The following NALCN variants were observed in gnomAD, a reference collection of about 807,000 sequenced individuals.
The protein encoded by NALCN is sodium leak channel NALCN.
A neutral mutation model predicts 225.3 loss-of-function variants in NALCN; 111 were observed. The observed-to-expected ratio is 0.49, with a 90% confidence interval of 0.42 to 0.58. NALCN has a LOEUF of 0.58. NALCN is among the 20% of genes least tolerant of loss of function. The pLI, the probability that NALCN is intolerant of heterozygous loss-of-function variation, is 0.00. For missense variants in NALCN, 1,378 were observed against 2,202.4 expected, an observed-to-expected ratio of 0.63 and a Z score of 7.49; for synonymous variants, 764 against 769.0, an observed-to-expected ratio of 0.99 and a Z score of 0.11.
At chr13:101,406,166 A>AC (rs1004106560) in intron 1 of NALCN, among the ~76,000 whole-genome samples, 1 of 150,576 alleles carries the variant, frequency 6.6e-6, no homozygotes, top group African/African-American at 2.5e-5. Context: ...AAAAAAAAAA[A>AC]ATACAAAAAA....
intron 13 of NALCN, among the ~76,000 whole-genome samples, chr13:101,223,970 C>T (rs190898828): frequency 6.6e-6 from 1 of 152,222 alleles, no homozygotes; most frequent in Admixed American, 6.5e-5. Context: ...GATAAAAGAT[C>T]CCAGTCCTAG....
At chr13:101,279,032 TAA>T (rs2043058853) in intron 10 of NALCN, among the ~76,000 whole-genome samples, 3 of 152,170 alleles carry the variant, frequency 2.0e-5, no homozygotes, top group Admixed American at 2.0e-4. Flanking sequence ...CTCTCATGTC[TAA>T]AGCACAGTTG....
At chr13:101,088,843 A>G (rs2034063282) in intron 30 of NALCN, among the ~76,000 whole-genome samples, 1 of 152,154 alleles carries the variant, frequency 6.6e-6, no homozygotes, top group South Asian at 2.1e-4. Context: ...CAAACTCAAC[A>G]GGCTTCCCGA....
intron 3 of NALCN, among the ~76,000 whole-genome samples, chr13:101,387,543 G>A (rs2047032278): frequency 6.6e-6 from 1 of 152,166 alleles, no homozygotes; most frequent in Admixed American, 6.5e-5. Context: ...TTAAATGTTA[G>A]TGAGAAAATG....
intron 11 of NALCN, among the ~76,000 whole-genome samples, chr13:101,258,216 C>A (rs1201949851): frequency 6.6e-6 from 1 of 151,994 alleles, no homozygotes; most frequent in Non-Finnish European, 1.5e-5. Flanking sequence ...AAAGGGTTAC[C>A]CTGGCAACGT....
chr13:101,068,255 C>T (rs1046974151), intron 38 of NALCN, among the ~76,000 whole-genome samples: 3 of 152,140 alleles, frequency 2.0e-5, no homozygotes, highest in African/African-American at 7.2e-5. Context: ...TAAGCACAAA[C>T]ACACATTCTG....
intron 3 of NALCN, among the ~76,000 whole-genome samples, chr13:101,385,823 C>T (rs2046971386): frequency 6.6e-6 from 1 of 152,170 alleles, no homozygotes; most frequent in South Asian, 2.1e-4. Flanking sequence ...AAAACACACC[C>T]TACCCTGCTC....
chr13:101,244,404 A>G (rs1180801434), intron 11 of NALCN, among the ~76,000 whole-genome samples: 1 of 152,226 alleles, frequency 6.6e-6, no homozygotes, highest in Non-Finnish European at 1.5e-5. Flanking sequence ...TCTGTGGGAA[A>G]ATGATATTCT....
chr13:101,066,306 C>CA (rs2032384770), intron 39 of NALCN, among the ~76,000 whole-genome samples: 1 of 106,090 alleles, frequency 9.4e-6, no homozygotes. Flanking sequence ...GGGACTCCAT[C>CA]TCAAAAAAAA....
At position 101,103,561 on chromosome 13, in the gene NALCN, CGT is replaced by C. The variant is rs35723947; in HGVS notation, c.2890-224_2890-223del. On this transcript the variant is annotated intron_variant, in intron 25 of 43. Coordinates refer to ENST00000251127, the MANE Select transcript of NALCN (RefSeq NM_052867.4). Reference sequence around the variant, plus strand: ...AGGAAAGAAATGGGGGTGTCCACACCGTGTGTGTGTGTGTGTGTACACCAGTG... The same window carrying C: ...AGGAAAGAAATGGGGGTGTCCACACCGTGTGTGTGTGTGTGTACACCAGTG... 0.64 allele frequency among the ~76,000 whole-genome samples: 96,962 copies of C among 150,904 alleles called. 31,606 individuals are homozygous for C. The highest frequency in any genetic ancestry group is 0.78 in the African/African-American group (32,017 of 41,208).
At chr13:101,414,596 A>C (rs2047881307) in intron 1 of NALCN, among the ~76,000 whole-genome samples, 2 of 152,242 alleles carry the variant, frequency 1.3e-5, no homozygotes, top group African/African-American at 2.4e-5. Context: ...TGCCATACCC[A>C]AGAAGAAGAA....
intron 15 of NALCN, among the ~76,000 whole-genome samples, chr13:101,160,551 C>T (rs1439722318): frequency 6.6e-6 from 1 of 152,246 alleles, no homozygotes; most frequent in Non-Finnish European, 1.5e-5. Context: ...TTACCTTTGC[C>T]TAGACTGTTA....
At chr13:101,182,431 C>A (rs2139968400) in intron 14 of NALCN, among the ~76,000 whole-genome samples, 1 of 152,212 alleles carries the variant, frequency 6.6e-6, no homozygotes, top group Non-Finnish European at 1.5e-5. Context: ...CTTGGGGAGG[C>A]AACAAATTTA....
chr13:101,341,904 G>T (rs1246507536), intron 7 of NALCN, among the ~76,000 whole-genome samples: 1 of 152,192 alleles, frequency 6.6e-6, no homozygotes, highest in African/African-American at 2.4e-5. Context: ...TATGAAGGAG[G>T]TTCAAGAGAG....
Position 101,292,673 on chromosome 13 carries a change from T to C in NALCN, c.800-307A>G, listed in dbSNP as rs1295589867. Among the ~76,000 whole-genome samples, 1 of 152,184 alleles carries C rather than the reference T, an allele frequency of 6.6e-6. No individual in the cohort carries two copies. The highest frequency in any genetic ancestry group is 1.9e-4 in the East Asian group (1 of 5,192). On this transcript the variant is annotated intron_variant, in intron 7 of 43. Coordinates refer to ENST00000251127, the MANE Select transcript of NALCN (RefSeq NM_052867.4). This position sits in a 1 kb window ranked among gnomAD's most constrained non-coding sequence, Gnocchi z 4.3. ...AACAGTCAAACCAAGTATATATATGTATAATTAAAAAAAGGATATGTACCA... is the reference window on the plus strand; with the variant it reads ...AACAGTCAAACCAAGTATATATATGCATAATTAAAAAAAGGATATGTACCA...
At chr13:101,185,432 T>C (rs1167727018) in intron 14 of NALCN, among the ~76,000 whole-genome samples, 1 of 152,186 alleles carries the variant, frequency 6.6e-6, no homozygotes, top group Non-Finnish European at 1.5e-5. Flanking sequence ...GGGCTTTCCT[T>C]TGAAACAGTA....
At chr13:101,115,055 C>A (rs1236416694) in intron 18 of NALCN, among the ~76,000 whole-genome samples, 1 of 152,130 alleles carries the variant, frequency 6.6e-6, no homozygotes, top group Non-Finnish European at 1.5e-5. Context: ...AATGAATGAA[C>A]CTTGAAATTC....
intron 7 of NALCN, among the ~76,000 whole-genome samples, chr13:101,297,670 G>A (rs774182671): frequency 3.3e-5 from 5 of 152,316 alleles, no homozygotes; most frequent in Non-Finnish European, 4.4e-5. Flanking sequence ...CCCCCTTTGC[G>A]TGAATCATCC....
chr13:101,231,830 A>G (rs559299417), intron 12 of NALCN, among the ~76,000 whole-genome samples: 2 of 152,114 alleles, frequency 1.3e-5, no homozygotes, highest in East Asian at 1.9e-4. Context: ...GGCTTCTTCA[A>G]CTCTGCCTGG....
Sources: gnomAD v4.1 joint callset for allele counts (sites outside exome capture counted in the v4.1 genomes callset) on GRCh38, gnomAD v4.1.1 for gene constraint, Gnocchi (gnomAD v3.1) non-coding constraint, MANE v1.5 for transcripts, NCBI Gene and HGNC (gene_info 2026-07-23, HGNC 2026-07-21) for gene names.